LRRC4C: variants seen among roughly 807,000 people sequenced by gnomAD.
LRRC4C encodes the protein leucine rich repeat containing 4C.
In LRRC4C, 5 loss-of-function variants were observed where a neutral mutation model predicts 33.6. The observed-to-expected ratio is 0.15, with a 90% CI of 0.08 to 0.31. The LOEUF is 0.31. Ranked by LOEUF, LRRC4C falls within the 10% of genes least tolerant of loss-of-function variation. The probability of loss-of-function intolerance (pLI) is 1.00; values close to 1 mark genes in which losing one functional copy is unlikely to be tolerated. For synonymous variants in LRRC4C, 329 were observed against 302.0 expected (o/e 1.09, Z -0.93); for missense variants, 560 against 796.7 (o/e 0.70, Z 3.58).
chr11:40,670,327 G>T (rs144064255), intron 2 of LRRC4C, among the ~76,000 whole-genome samples: 44 of 152,278 alleles, frequency 2.9e-4, no homozygotes, highest in African/African-American at 1.0e-3. Context: ...GGGAATATGT[G>T]AAGTGACCCA....
intron 3 of LRRC4C, among the ~76,000 whole-genome samples, chr11:40,501,104 A>G (rs1344776397): frequency 6.7e-6 from 1 of 149,372 alleles, no homozygotes; most frequent in Non-Finnish European, 1.5e-5. Flanking sequence ...ATCTCCTTTG[A>G]TTTCATGTCT....
chr11:40,466,988 T>C (rs995441684), intron 3 of LRRC4C, among the ~76,000 whole-genome samples: 2 of 152,160 alleles, frequency 1.3e-5, no homozygotes, highest in Admixed American at 1.3e-4. Context: ...GAAGCATGCA[T>C]GTTTGAGTTG....
At chr11:40,207,289 G>A (rs1181796444) in intron 5 of LRRC4C, among the ~76,000 whole-genome samples, 1 of 152,118 alleles carries the variant, frequency 6.6e-6, no homozygotes, top group Admixed American at 6.5e-5. Flanking sequence ...TTGTGAATCG[G>A]ACACAATTGT....
intron 1 of LRRC4C, among the ~76,000 whole-genome samples, chr11:41,160,787 T>A (rs1402159235): frequency 6.6e-6 from 1 of 152,158 alleles, no homozygotes; most frequent in East Asian, 1.9e-4. Context: ...GCTAAGGAAG[T>A]TTGTACATAT....
chr11:40,612,980 G>GA (rs1161336369), intron 3 of LRRC4C, among the ~76,000 whole-genome samples: 3 of 151,834 alleles, frequency 2.0e-5, no homozygotes, highest in African/African-American at 4.8e-5. Flanking sequence ...ATACCTTGGT[G>GA]AAAAAAATAC....
At chr11:41,284,756 A>G (rs541847258) in intron 1 of LRRC4C, among the ~76,000 whole-genome samples, 4 of 152,318 alleles carry the variant, frequency 2.6e-5, no homozygotes, top group African/African-American at 7.2e-5. Flanking sequence ...AAGTTTGAAC[A>G]TGTGTATGTT....
At chr11:41,425,869 G>T (rs867897952) in intron 1 of LRRC4C, among the ~76,000 whole-genome samples, 1 of 152,066 alleles carries the variant, frequency 6.6e-6, no homozygotes, top group African/African-American at 2.4e-5. Flanking sequence ...GTGGAATCGG[G>T]AGTGAGCACG....
chr11:40,531,673 A>G (rs917789716), intron 3 of LRRC4C, among the ~76,000 whole-genome samples: 1 of 152,024 alleles, frequency 6.6e-6, no homozygotes, highest in African/African-American at 2.4e-5. Flanking sequence ...AGCCAACTAA[A>G]TCAAGATTGC....
chr11:40,245,506 CCTACAA>C lies in LRRC4C; in HGVS notation c.-175-3914_-175-3909del, dbSNP rs1468484545. On this transcript the variant is annotated intron_variant, in intron 4 of 6. Coordinates refer to ENST00000528697, the MANE Select transcript of LRRC4C (RefSeq NM_001258419.2). ...CTAGTCAATGAGTAGGTGCTGACAG[CCTACAA>C]CTTGTGGCTTTTGATGATTTATTGA... is the stretch of plus-strand genomic sequence containing the variant. Among the ~76,000 whole-genome samples, 11 of 152,230 alleles carry C rather than the reference CCTACAA, an allele frequency of 7.2e-5. 1 individual carries two copies. Among genetic ancestry groups the C allele is most frequent in the Middle Eastern group, 6.8e-3 (2 of 294 alleles).
chr11:40,917,526 C>A (rs1292776154), intron 2 of LRRC4C, among the ~76,000 whole-genome samples: 1 of 151,942 alleles, frequency 6.6e-6, no homozygotes, highest in Non-Finnish European at 1.5e-5. Context: ...CGTTGTATGC[C>A]ATTTTGATAA....
At position 41,143,338 on chromosome 11, in the gene LRRC4C, G is replaced by A. The variant is rs77696582; in HGVS notation, c.-495-209615C>T. On this transcript the variant is annotated intron_variant, in intron 1 of 6. Coordinates refer to ENST00000528697, the MANE Select transcript of LRRC4C (RefSeq NM_001258419.2). ...GAATTTCAATTAAAGGATCAGGAAA[G>A]GTACCTACTTTGTACTAATAGTGTT... Among the ~76,000 whole-genome samples, 5 of 151,952 alleles carry A rather than the reference G, an allele frequency of 3.3e-5. No homozygotes were observed. The East Asian group carries it at 5.8e-4, about 18-fold the overall frequency.
At chr11:40,119,441 C>T (rs945989908) in intron 6 of LRRC4C, among the ~76,000 whole-genome samples, 6 of 152,172 alleles carry the variant, frequency 3.9e-5, no homozygotes, top group Admixed American at 1.3e-4. Context: ...ACTTTTCACA[C>T]GATCTGGTAC....
At chr11:40,757,602 T>TG (rs1408186009) in intron 2 of LRRC4C, among the ~76,000 whole-genome samples, 1 of 151,528 alleles carries the variant, frequency 6.6e-6, no homozygotes, top group Non-Finnish European at 1.5e-5. Flanking sequence ...ACTTTGAGTT[T>TG]TTTTTTTTTT....
Position 40,584,177 on chromosome 11 carries a change from C to CATATATATATATATATATAT in LRRC4C, c.-270+63945_-270+63964dup, listed in dbSNP as rs371413523. 9.6e-3 allele frequency among the ~76,000 whole-genome samples: 684 copies of CATATATATATATATATATAT among 71,116 alleles called. 47 individuals carry two copies. The highest frequency in any genetic ancestry group is 0.015 in the African/African-American group (288 of 19,668). The allele number at this position is 71,116 out of a possible 152,430, so 46.7% of individuals were successfully genotyped here. On this transcript the variant is annotated intron_variant, in intron 3 of 6. Transcript: ENST00000528697. ...AGTATACACACACACACGCACACTTCATATATATATATATATATATATATA... is the reference window on the plus strand; with the variant it reads ...AGTATACACACACACACGCACACTTCATATATATATATATATATATATATATATATATATATATATATATA...
chr11:40,605,870 G>C (rs1960528901), intron 3 of LRRC4C, among the ~76,000 whole-genome samples: 1 of 152,108 alleles, frequency 6.6e-6, no homozygotes. Flanking sequence ...GATAAATAAT[G>C]GAAGTGTGGG....
intron 1 of LRRC4C, among the ~76,000 whole-genome samples, chr11:41,290,097 G>A (rs892367940): frequency 6.6e-5 from 10 of 152,128 alleles, no homozygotes; most frequent in Admixed American, 2.0e-4. Context: ...GATTTGTTCA[G>A]AAAGGTAAAA....
intron 3 of LRRC4C, among the ~76,000 whole-genome samples, chr11:40,351,992 T>G (rs1947413083): frequency 6.6e-6 from 1 of 152,130 alleles, no homozygotes; most frequent in South Asian, 2.1e-4. Flanking sequence ...CTATGTCTTT[T>G]ACTGGAAATT....
At chr11:40,880,863 G>GTGTATATA (rs139954978) in intron 2 of LRRC4C, among the ~76,000 whole-genome samples, 25 of 145,598 alleles carry the variant, frequency 1.7e-4, no homozygotes, top group Non-Finnish European at 3.5e-4. Flanking sequence ...ATGTGTGTGT[G>GTGTATATA]TATATATATA....
At chr11:40,403,118 T>C (rs1565354039) in intron 3 of LRRC4C, among the ~76,000 whole-genome samples, 1 of 152,106 alleles carries the variant, frequency 6.6e-6, no homozygotes, top group Non-Finnish European at 1.5e-5. Context: ...CTGGGTGTTA[T>C]TTTCTTTGCT....
Sources: gnomAD v4.1 joint callset for allele counts (sites outside exome capture counted in the v4.1 genomes callset) on GRCh38, gnomAD v4.1.1 for gene constraint, MANE v1.5 for transcripts, NCBI Gene and HGNC (gene_info 2026-07-23, HGNC 2026-07-21) for gene names.